NPC1: variants seen among roughly 807,000 people sequenced by gnomAD.
NPC1 encodes the protein NPC intracellular cholesterol transporter 1, also known as Niemann-Pick C1 protein.
In NPC1, 85 loss-of-function variants were observed where a neutral mutation model predicts 140.4. The ratio of observed to expected loss-of-function variants is 0.61; its 90% CI spans 0.51 to 0.72. The LOEUF (loss-of-function observed/expected upper bound fraction) is 0.72, where lower values mean the gene tolerates loss of function less well. Ranked by LOEUF, NPC1 falls within the 30% of genes least tolerant of loss-of-function variation. NPC1 has a pLI of 0.00. For synonymous variants in NPC1, 656 were observed against 624.8 expected (o/e 1.05, Z -0.74); for missense variants, 1,504 against 1,623.8 (o/e 0.93, Z 1.27).
chr18:23,565,175 T>C (rs1402140073), intron 4 of NPC1, among the ~76,000 whole-genome samples: 1 of 152,216 alleles, frequency 6.6e-6, no homozygotes, highest in Non-Finnish European at 1.5e-5. Flanking sequence ...CAGAATCAGC[T>C]TGTCAATTTC....
intron 3 of NPC1, among the ~76,000 whole-genome samples, chr18:23,514,754 A>G (rs912232193): frequency 3.9e-5 from 6 of 152,168 alleles, no homozygotes; most frequent in Non-Finnish European, 7.4e-5. Flanking sequence ...CCTTAAGGTT[A>G]CCTAGATGGC....
chr18:23,530,247 C>T, downstream of NPC1: 3 of 1,614,206 alleles, frequency 1.9e-6, no homozygotes, highest in South Asian at 1.1e-5. Context: ...GCTGTTATCC[C>T]TAGAGAGTTT....
chr18:23,539,632 G>T, intron 18 of NPC1, 162 bp from the exon 19 acceptor site: 1 of 805,360 alleles, frequency 1.2e-6, no homozygotes, highest in African/African-American at 1.7e-5. Context: ...CAAAGTATTA[G>T]GTGGTAAATT....
intron 23 of NPC1, chr18:23,534,171 A>G (rs1010041734): frequency 5.1e-5 from 28 of 554,432 alleles, no homozygotes; most frequent in African/African-American, 4.5e-4. Flanking sequence ...GCTCCCCTGC[A>G]TTTTAAATGG....
intron 2 of NPC1, among the ~76,000 whole-genome samples, chr18:23,573,107 A>C (rs1301094062): frequency 6.6e-6 from 1 of 152,240 alleles, no homozygotes; most frequent in Non-Finnish European, 1.5e-5. Context: ...AACAGAGTCC[A>C]TTTGAGTCCT....
chr18:23,542,714 G>C (rs571982863), intron 14 of NPC1, among the ~76,000 whole-genome samples: 1 of 152,346 alleles, frequency 6.6e-6, no homozygotes, highest in African/African-American at 2.4e-5. Context: ...AGAAGAGAAA[G>C]ACTGCCTTTG....
intron 3 of NPC1, among the ~76,000 whole-genome samples, chr18:23,507,598 G>A (rs1413793250): frequency 1.3e-5 from 2 of 152,168 alleles, no homozygotes; most frequent in Admixed American, 1.3e-4. Flanking sequence ...CGTTTGTAGA[G>A]TAGAGGGAAG....
At chr18:23,558,257 T>C (rs549219375) in intron 6 of NPC1, among the ~76,000 whole-genome samples, 1 of 152,178 alleles carries the variant, frequency 6.6e-6, no homozygotes, top group Non-Finnish European at 1.5e-5. Flanking sequence ...TATTTATCAA[T>C]TACGAAGGGA....
intron 1 of NPC1, among the ~76,000 whole-genome samples, chr18:23,585,883 C>CCT (rs1231843401): frequency 3.3e-5 from 5 of 152,214 alleles, no homozygotes; most frequent in Admixed American, 6.5e-5. Context: ...CCACCTCCAT[C>CCT]CTCAGGTGAT....
chr18:23,566,883 T>G (rs1211234849), intron 4 of NPC1, among the ~76,000 whole-genome samples: 3 of 152,242 alleles, frequency 2.0e-5, no homozygotes, highest in Non-Finnish European at 2.9e-5. Flanking sequence ...CTTTTTACTG[T>G]CTCCACGGTT....
chr18:23,575,415 T>C (rs925859310), intron 1 of NPC1, among the ~76,000 whole-genome samples: 2 of 152,148 alleles, frequency 1.3e-5, no homozygotes, highest in Admixed American at 6.5e-5. Flanking sequence ...TGAGGCTCAG[T>C]GTGCTTGTTG....
downstream of NPC1, among the ~76,000 whole-genome samples, chr18:23,531,017 C>CAG (rs766183566): frequency 2.0e-5 from 3 of 151,678 alleles, no homozygotes; most frequent in Non-Finnish European, 2.9e-5. Context: ...TTTTTTGAGA[C>CAG]AGAGTCTCGC....
At chr18:23,580,217 A>G (rs1372647101) in intron 1 of NPC1, among the ~76,000 whole-genome samples, 1 of 152,182 alleles carries the variant, frequency 6.6e-6, no homozygotes, top group East Asian at 1.9e-4. Context: ...AGATACTCTG[A>G]GGTCACATGG....
At position 23,548,018 on chromosome 18, in the gene NPC1, G is replaced by T. The variant is rs2058813321; in HGVS notation, c.1745C>A (p.Ala582Asp). 6.3e-7 allele frequency: 1 copy of T among 1,597,712 alleles called. No homozygotes were observed. The highest frequency in any genetic ancestry group is 1.1e-5 in the South Asian group (1 of 90,696). ...ATGAGTGACTCACTCTTTTTCCCAG[G>T]CCTGGGCCCTCTGGAGCTTCTCTGT... The part of the protein sequence containing the change: ...NDTEKLQRAQ[A>D]WEKEFINFVK... The change falls in exon 11 of 25, where the codon GCC becomes GAC. Residue 582 changes from alanine (A) to aspartate (D), a missense_variant. Physicochemically the swap from Ala to Asp is moderately radical, Grantham distance 126. Coordinates refer to ENST00000269228, the MANE Select transcript of NPC1 (RefSeq NM_000271.5).
chr18:23,526,791 C>T (rs1232957650), downstream of NPC1: 2 of 1,611,554 alleles, frequency 1.2e-6, no homozygotes, highest in Non-Finnish European at 1.7e-6. Flanking sequence ...CCCCCTTGCT[C>T]TGATTCCAGT....
chr18:23,578,008 C>A (rs1474027318), intron 1 of NPC1, among the ~76,000 whole-genome samples: 1 of 152,228 alleles, frequency 6.6e-6, no homozygotes, highest in Non-Finnish European at 1.5e-5. Context: ...CTGCTCGTGT[C>A]TCTCCCTCCA....
chr18:23,555,702 T>C lies in NPC1; in HGVS notation c.1326+541A>G, dbSNP rs552082436. Among the ~76,000 whole-genome samples, 19 of 152,260 alleles carry C rather than the reference T, an allele frequency of 1.2e-4. No individual in the cohort carries two copies. In the South Asian group the frequency reaches 2.7e-3, roughly 22 times the overall value. Reference sequence around the variant, plus strand: ...GGTTTACATGCCTTTCTAGGAGCAATGGGATGGATCTTGCCCCAAATGCGC... The same window carrying C: ...GGTTTACATGCCTTTCTAGGAGCAACGGGATGGATCTTGCCCCAAATGCGC... On this transcript the variant is annotated intron_variant, in intron 8 of 24. Coordinates refer to ENST00000269228, the MANE Select transcript of NPC1 (RefSeq NM_000271.5).
At chr18:23,586,228 C>A (rs2059417028) in intron 1 of NPC1, 59 bp downstream of exon 1, 2 of 1,517,028 alleles carry the variant, frequency 1.3e-6, no homozygotes, top group Admixed American at 4.1e-5. Context: ...CGTCGCCTTC[C>A]CCGGCTCTCG....
Position 23,531,988 on chromosome 18 carries a change from T to C in NPC1, c.*214A>G. 1 of 1,463,296 alleles carries C rather than the reference T, an allele frequency of 6.8e-7. No homozygotes were observed. 90.6% of individuals were successfully genotyped at this position (1,463,296 alleles called of 1,614,324 possible). On this transcript the variant is annotated 3_prime_UTR_variant, in exon 25 of 25. Transcript: ENST00000269228. ...CTTTCCTGAAGAGGCTGGGAGAAGT[T>C]TAGTGTCCTGTGGTTGCCTCCAGAT...
Sources: gnomAD v4.1 joint callset for allele counts (sites outside exome capture counted in the v4.1 genomes callset) on GRCh38, gnomAD v4.1.1 for gene constraint, MANE v1.5 for transcripts, NCBI Gene and HGNC (gene_info 2026-07-23, HGNC 2026-07-21) for gene names.